The following NAV3 variants were observed in gnomAD, a reference collection of about 807,000 sequenced individuals.
NAV3 encodes neuron navigator 3, also known as pore membrane and/or filament interacting like protein 1.
In NAV3, 87 loss-of-function variants were observed where a neutral mutation model predicts 244.7. The ratio of observed to expected loss-of-function variants is 0.36; its 90% CI spans 0.30 to 0.42. NAV3 has a LOEUF of 0.42. Ranked by LOEUF, NAV3 falls within the 20% of genes least tolerant of loss-of-function variation. The pLI is 1.00. For synonymous variants in NAV3, 1,126 were observed against 1,042.2 expected, an observed-to-expected ratio of 1.08 and a Z score of -1.55; for missense variants, 2,663 against 2,893.3, an observed-to-expected ratio of 0.92 and a Z score of 1.83.
At chr12:78,156,762 C>T (rs1485075450) in intron 22 of NAV3, among the ~76,000 whole-genome samples, 1 of 151,962 alleles carries the variant, frequency 6.6e-6, no homozygotes, top group Non-Finnish European at 1.5e-5. Context: ...GTTTTAGTAA[C>T]CAATTTTATG....
At position 78,118,162 on chromosome 12, in the gene NAV3, C is replaced by T. The variant is rs2138569596; in HGVS notation, c.2905C>T (p.Pro969Ser). The change falls in exon 14 of 40, where the codon CCT becomes TCT. Residue 969 changes from proline (P) to serine (S), a missense_variant. Pro to Ser is a moderately conservative substitution (Grantham distance 74, BLOSUM62 -1). This residue lies in a region of NAV3 where 1,521 missense variants were observed against 1,497.0 expected (regional missense o/e 1.02). Transcript: ENST00000397909. ...GTGGAAGACTGTGTCCTCTGGACTT[C>T]CTGAAGACCCCGAGAAGGCAGGGCA... ...GKWKTVSSGLPEDPEKAGQKA... is the reference protein window; with the variant it reads ...GKWKTVSSGLSEDPEKAGQKA... 6.2e-7 allele frequency: 1 copy of T among 1,613,926 alleles called. No homozygotes were observed. Among genetic ancestry groups the T allele is most frequent in the Non-Finnish European group, 8.5e-7 (1 of 1,179,964 alleles).
chr12:77,593,415 G>A (rs1433190660), intron 2 of NAV3, among the ~76,000 whole-genome samples: 1 of 151,202 alleles, frequency 6.6e-6, no homozygotes, highest in African/African-American at 2.4e-5. Flanking sequence ...AACAGCCAAA[G>A]TGGTGTTCTC....
chr12:78,107,059 T>A (rs1003364976), intron 12 of NAV3, among the ~76,000 whole-genome samples: 1 of 151,976 alleles, frequency 6.6e-6, no homozygotes, highest in Non-Finnish European at 1.5e-5. Context: ...AAGGAAAAAA[T>A]TTTCCCATAT....
intron 12 of NAV3, among the ~76,000 whole-genome samples, chr12:78,080,826 A>C (rs937995330): frequency 1.3e-5 from 2 of 152,268 alleles, no homozygotes; most frequent in African/African-American, 2.4e-5. Flanking sequence ...AATGAACTGC[A>C]TACTGCAGGT....
chr12:77,711,416 G>A (rs183646565), intron 2 of NAV3, among the ~76,000 whole-genome samples: 1 of 152,272 alleles, frequency 6.6e-6, no homozygotes, highest in Admixed American at 6.5e-5. Context: ...CTGACTTCAG[G>A]GGAATTGGTC....
At chr12:77,842,439 G>A (rs1875831107) in intron 1 of NAV3, among the ~76,000 whole-genome samples, 1 of 151,740 alleles carries the variant, frequency 6.6e-6, no homozygotes, top group Non-Finnish European at 1.5e-5. Context: ...TGCTGGACCT[G>A]GAAACTCTCT....
intron 2 of NAV3, among the ~76,000 whole-genome samples, chr12:77,610,971 A>C (rs1024198313): frequency 1.2e-4 from 18 of 151,482 alleles, no homozygotes; most frequent in African/African-American, 4.1e-4. Flanking sequence ...TCCAATCTTC[A>C]GATAATATTG....
intron 2 of NAV3, among the ~76,000 whole-genome samples, chr12:77,595,939 A>G (rs570145416): frequency 4.3e-4 from 66 of 152,234 alleles, no homozygotes; most frequent in Non-Finnish European, 8.2e-4. Flanking sequence ...AAATATTATG[A>G]AAGAAGAATT....
At chr12:78,115,731 G>T (rs1216982735) in intron 12 of NAV3, among the ~76,000 whole-genome samples, 1 of 151,792 alleles carries the variant, frequency 6.6e-6, no homozygotes, top group East Asian at 1.9e-4. Context: ...TTACCATCGT[G>T]TTAGAGTTGC....
chr12:77,768,549 G>A (rs969392844), intron 2 of NAV3, among the ~76,000 whole-genome samples: 3 of 152,230 alleles, frequency 2.0e-5, no homozygotes, highest in African/African-American at 4.8e-5. Flanking sequence ...ACATCCAGCT[G>A]GAATGAACAC....
intron 19 of NAV3, among the ~76,000 whole-genome samples, chr12:78,138,225 T>C (rs1245607971): frequency 6.6e-6 from 1 of 152,152 alleles, no homozygotes; most frequent in Non-Finnish European, 1.5e-5. Flanking sequence ...TACCAGAGTT[T>C]AAGTCTTCAG....
At chr12:77,926,461 T>C (rs1284188408) in intron 1 of NAV3, among the ~76,000 whole-genome samples, 1 of 151,530 alleles carries the variant, frequency 6.6e-6, no homozygotes, top group African/African-American at 2.4e-5. Context: ...AAGATATAGA[T>C]AGATAGATAC....
At position 77,813,701 on chromosome 12, in the gene NAV3, A is replaced by ATTTT. The variant is rs879905766; in HGVS notation, c.73-126617_73-126616insTTTT. On this transcript the variant is annotated intron_variant, in intron 2 of 8. Coordinates refer to the NAV3 transcript ENST00000550042. ...ATGTGTATCTAAGAAAAAGTTGTTC[A>ATTTT]TAAGGAAGCAAAAAGATAGGATGGG... Among the ~76,000 whole-genome samples the ATTTT allele has an allele frequency of 5.8e-3, 877 of 152,348 alleles. 3 individuals carry two copies. Among genetic ancestry groups the ATTTT allele is most frequent in the Non-Finnish European group, 0.011 (722 of 68,034 alleles).
intron 1 of NAV3, among the ~76,000 whole-genome samples, chr12:77,841,182 G>T (rs1007774009): frequency 6.6e-6 from 1 of 152,084 alleles, no homozygotes; most frequent in South Asian, 2.1e-4. Flanking sequence ...TTGCAATTCT[G>T]CCTGGAAAAA....
chr12:78,071,391 G>A (rs1952757089), intron 12 of NAV3, among the ~76,000 whole-genome samples: 1 of 151,864 alleles, frequency 6.6e-6, no homozygotes, highest in Non-Finnish European at 1.5e-5. Flanking sequence ...CCCACTTTTT[G>A]ATGGGGTTGT....
At chr12:78,191,968 G>A (rs371618200) in intron 34 of NAV3, among the ~76,000 whole-genome samples, 5 of 152,054 alleles carry the variant, frequency 3.3e-5, no homozygotes, top group African/African-American at 1.2e-4. Flanking sequence ...TAAAGTTGAG[G>A]ATCACTTAAA....
intron 1 of NAV3, among the ~76,000 whole-genome samples, chr12:77,929,963 T>C (rs1399551767): frequency 6.6e-6 from 1 of 152,030 alleles, no homozygotes; most frequent in Non-Finnish European, 1.5e-5. Context: ...AACTTTATTT[T>C]TAAATGAATG....
chr12:77,751,996 G>A (rs535001917), intron 2 of NAV3, among the ~76,000 whole-genome samples: 20 of 152,062 alleles, frequency 1.3e-4, no homozygotes, highest in Non-Finnish European at 2.4e-4. Context: ...TATAAAATTG[G>A]TGACTCATTT....
intron 2 of NAV3, among the ~76,000 whole-genome samples, chr12:77,747,138 T>A (rs1286966852): frequency 6.6e-6 from 1 of 152,220 alleles, no homozygotes; most frequent in Non-Finnish European, 1.5e-5. Context: ...TTATGTTTTG[T>A]GAAATTTGTC....
Sources: allele counts gnomAD v4.1 joint callset (sites outside exome capture counted in the v4.1 genomes callset), GRCh38; gene constraint gnomAD v4.1.1; regional missense constraint gnomAD v4.1.1; transcripts MANE v1.5; gene names NCBI Gene and HGNC (gene_info 2026-07-23, HGNC 2026-07-21).